CRYBG1: variants seen among roughly 807,000 people sequenced by gnomAD.
CRYBG1 encodes crystallin beta-gamma domain containing 1.
In CRYBG1, 139 loss-of-function variants were observed where a neutral mutation model predicts 189.2. The observed-to-expected ratio is 0.73, with a 90% CI of 0.64 to 0.85. CRYBG1 has a LOEUF of 0.85. Ranked by LOEUF, CRYBG1 falls within the 40% of genes least tolerant of loss-of-function variation. The pLI, the probability that CRYBG1 is intolerant of heterozygous loss-of-function variation, is 0.00. For missense variants in CRYBG1, 2,611 were observed against 2,675.8 expected (o/e 0.98, Z 0.53); for synonymous variants, 1,023 against 1,017.1 (o/e 1.01, Z -0.11).
intron 2 of CRYBG1, among the ~76,000 whole-genome samples, 187 bp downstream of exon 2, chr6:106,452,019 A>G (rs1771791013): frequency 1.4e-5 from 2 of 148,018 alleles, no homozygotes; most frequent in Non-Finnish European, 3.0e-5. Flanking sequence ...ATATAATTAT[A>G]TTTAACAATA....
chr6:106,556,050 T>C (rs1461096593), intron 17 of CRYBG1, among the ~76,000 whole-genome samples, 153 bp downstream of exon 17: 2 of 152,234 alleles, frequency 1.3e-5, no homozygotes, highest in Non-Finnish European at 2.9e-5. Context: ...ATCTAGTTTA[T>C]TGATTCTAAC....
chr6:106,543,802 A>G (rs1392467416), intron 11 of CRYBG1, among the ~76,000 whole-genome samples: 1 of 152,228 alleles, frequency 6.6e-6, no homozygotes, highest in African/African-American at 2.4e-5. Flanking sequence ...CTGTAATCCC[A>G]ACACTTTGGG....
Position 106,512,240 on chromosome 6 carries a change from G to T in CRYBG1, c.1123G>T (p.Val375Leu). ...CAAGGGTCACGCCCACCCTGCTAAG[G>T]TGCTAACTTTGGACATCTACTTGAG... ...RPKGHAHPAK[V>L]LTLDIYLSKT... is the part of the protein sequence containing the mutation. Residue 375 changes from valine (V) to leucine (L), a missense_variant, in exon 3 of 22, where the codon GTG (valine) becomes TTG (leucine). Physicochemically the swap from Val to Leu is conservative, Grantham distance 32. Transcript: ENST00000633556. 1 of 1,542,350 alleles carries T rather than the reference G, an allele frequency of 6.5e-7. No individual in the cohort carries two copies. The highest frequency in any genetic ancestry group is 8.7e-7 in the Non-Finnish European group (1 of 1,148,666).
chr6:106,535,671 C>T (rs13202942), intron 8 of CRYBG1, among the ~76,000 whole-genome samples: 45,618 of 151,768 alleles, frequency 0.3, 7,149 homozygotes, highest in South Asian at 0.37. Context: ...TCAAGGTTCA[C>T]ATAAATGCGT....
At chr6:106,541,976 C>T (rs906372503) in intron 10 of CRYBG1, among the ~76,000 whole-genome samples, 5 of 152,130 alleles carry the variant, frequency 3.3e-5, no homozygotes, top group Admixed American at 2.6e-4. Flanking sequence ...TTAAGACAAA[C>T]TTTCCCTACT....
At position 106,551,863 on chromosome 6, in the gene CRYBG1, A is replaced by G. The variant is rs1774411772; in HGVS notation, c.5324A>G (p.Tyr1775Cys). The change falls in exon 14 of 22, where the codon TAT becomes TGT. Residue 1775 changes from tyrosine to cysteine, a missense_variant. Transcript: ENST00000633556. The stretch of plus-strand genomic sequence containing the variant: ...CTTTTGTTTCTTAGATGGGTAGCCT[A>G]TGAAAATCCTGACTTCACAGGAGAA... ...INVLSGVWVA[Y>C]ENPDFTGEQY... 1.6e-5 allele frequency: 25 copies of G among 1,612,374 alleles called. No homozygotes were observed. The highest frequency in any genetic ancestry group is 2.1e-5 in the Non-Finnish European group (25 of 1,179,154).
At chr6:106,529,641 A>C (rs1174814792) in intron 7 of CRYBG1, among the ~76,000 whole-genome samples, 1 of 152,226 alleles carries the variant, frequency 6.6e-6, no homozygotes, top group African/African-American at 2.4e-5. Flanking sequence ...ACAATGACCA[A>C]AGTACAGAGA....
chr6:106,522,933 T>C (rs190082626), intron 4 of CRYBG1, among the ~76,000 whole-genome samples: 2 of 152,302 alleles, frequency 1.3e-5, no homozygotes, highest in African/African-American at 4.8e-5. Flanking sequence ...CCCTTTATGT[T>C]TAAAAATGAT....
At chr6:106,500,872 T>A (rs1772993247) in intron 2 of CRYBG1, among the ~76,000 whole-genome samples, 1 of 152,218 alleles carries the variant, frequency 6.6e-6, no homozygotes, top group African/African-American at 2.4e-5. Flanking sequence ...AGAAAGAGAA[T>A]AAGGCTAGAG....
At chr6:106,560,982 A>G (rs1439614575) in intron 19 of CRYBG1, 56 bp downstream of exon 19, 2 of 1,490,792 alleles carry the variant, frequency 1.3e-6, no homozygotes, top group Non-Finnish European at 1.8e-6. Flanking sequence ...TTTTTTGTAA[A>G]TGCAATCCAA....
At chr6:106,511,256 A>G (rs1242759292) in intron 2 of CRYBG1, among the ~76,000 whole-genome samples, 174 bp from the exon 3 acceptor site, 2 of 152,242 alleles carry the variant, frequency 1.3e-5, no homozygotes, top group African/African-American at 4.8e-5. Context: ...GCAAAATTCA[A>G]AAGTAAAACC....
chr6:106,547,203 CACACACA>C (rs753644499), intron 13 of CRYBG1, among the ~76,000 whole-genome samples: 1 of 147,054 alleles, frequency 6.8e-6, no homozygotes, highest in Non-Finnish European at 1.5e-5. Flanking sequence ...CACACACACA[CACACACA>C]CACCACTTCC....
At chr6:106,411,952 T>C (rs1293969762) in intron 1 of CRYBG1, among the ~76,000 whole-genome samples, 2 of 152,246 alleles carry the variant, frequency 1.3e-5, no homozygotes, top group Non-Finnish European at 2.9e-5. Context: ...TCACCTGCTT[T>C]GTTCTAGCCG....
At position 106,520,897 on chromosome 6, in the gene CRYBG1, G is replaced by A; in HGVS notation, c.3689G>A (p.Gly1230Asp). ...NDKENRDVTN[G>D]GIKRSRLEKS... ...AAAGAGAACAGGGACGTCACAAATGGTGGCATTAAGAGATCGAGACTAGAA... is the reference window on the plus strand; with the variant it reads ...AAAGAGAACAGGGACGTCACAAATGATGGCATTAAGAGATCGAGACTAGAA... Residue 1230 changes from glycine (G) to aspartate (D), a missense_variant, in exon 4 of 22, where the codon GGT becomes GAT. Physicochemically the swap from Gly to Asp is moderately conservative, Grantham distance 94 (BLOSUM62 -1). Coordinates refer to ENST00000633556, the MANE Select transcript of CRYBG1 (RefSeq NM_001371242.2). 6.2e-7 allele frequency: 1 copy of A among 1,614,158 alleles called. No homozygotes were observed. The highest frequency in any genetic ancestry group is 8.5e-7 in the Non-Finnish European group (1 of 1,180,034).
At chr6:106,422,187 C>T (rs547053640) in intron 1 of CRYBG1, among the ~76,000 whole-genome samples, 14 of 152,256 alleles carry the variant, frequency 9.2e-5, no homozygotes, top group Admixed American at 6.5e-4. Flanking sequence ...ATTCCTGCAG[C>T]CTATCCACAC....
At chr6:106,547,590 A>T (rs1313008921) in intron 13 of CRYBG1, among the ~76,000 whole-genome samples, 1 of 152,180 alleles carries the variant, frequency 6.6e-6, no homozygotes, top group Non-Finnish European at 1.5e-5. Context: ...AAGGAAAATT[A>T]TTGTATTTTA....
intron 2 of CRYBG1, among the ~76,000 whole-genome samples, chr6:106,510,234 T>C (rs966053649): frequency 1.3e-5 from 2 of 152,190 alleles, no homozygotes; most frequent in African/African-American, 4.8e-5. Context: ...GCAAATACAC[T>C]TCCCTCTCCT....
At chr6:106,429,832 A>C (rs555724425) in intron 1 of CRYBG1, among the ~76,000 whole-genome samples, 2 of 152,334 alleles carry the variant, frequency 1.3e-5, no homozygotes, top group South Asian at 4.1e-4. Flanking sequence ...TACTTAGCAC[A>C]GTGCTGGGGC....
At position 106,521,029 on chromosome 6, in the gene CRYBG1, A is replaced by G. The variant is rs201230039; in HGVS notation, c.3821A>G (p.Gln1274Arg). 1 of 1,614,208 alleles carries G rather than the reference A, an allele frequency of 6.2e-7. No individual in the cohort carries two copies. The highest frequency in any genetic ancestry group is 2.2e-5 in the East Asian group (1 of 44,892). The change falls in exon 4 of 22, where the codon CAG (glutamine) becomes CGG (arginine). Residue 1274 changes from glutamine to arginine, a missense_variant. By Grantham distance (43) the Gln-to-Arg change is conservative. Around this residue, in one of 3 missense-constraint regions of CRYBG1, gnomAD observed 1,622 missense variants for 1,735.0 expected, o/e 0.93. Coordinates refer to ENST00000633556, the MANE Select transcript of CRYBG1 (RefSeq NM_001371242.2). ...NTMTTAFSTS[Q>R]NGSLSQSSVS... Reference sequence around the variant, plus strand: ...ATGACCACGGCTTTCAGTACTTCTCAGAACGGTTCCCTATCTCAGTCTTCA... The same window carrying G: ...ATGACCACGGCTTTCAGTACTTCTCGGAACGGTTCCCTATCTCAGTCTTCA...
Sources: allele counts gnomAD v4.1 joint callset (sites outside exome capture counted in the v4.1 genomes callset), GRCh38; gene constraint gnomAD v4.1.1; regional missense constraint gnomAD v4.1.1; transcripts MANE v1.5; gene names NCBI Gene and HGNC (gene_info 2026-07-23, HGNC 2026-07-21).